INSC: variants seen among roughly 807,000 people sequenced by gnomAD.
The protein encoded by INSC is protein inscuteable homolog.
INSC carries 67 observed loss-of-function variants against 58.6 expected under a neutral mutation model. The observed-to-expected ratio is 1.14, with a 90% CI of 0.94 to 1.40. INSC has a LOEUF of 1.40. INSC is among the 40% of genes most tolerant of loss of function. The pLI is 0.00. For missense variants in INSC, 714 were observed against 692.0 expected, an observed-to-expected ratio of 1.03 and a Z score of -0.36; for synonymous variants, 262 against 276.1, an observed-to-expected ratio of 0.95 and a Z score of 0.51.
At chr11:15,245,408 G>T (rs766032259) in intron 12 of INSC, among the ~76,000 whole-genome samples, 2 of 152,182 alleles carry the variant, frequency 1.3e-5, no homozygotes, top group African/African-American at 2.4e-5. Context: ...ATTGCTCATT[G>T]TGTGGGGAGC....
At chr11:15,254,735 T>C in the INSC span, among the ~76,000 whole-genome samples, 2 of 152,358 alleles carry the variant, frequency 1.3e-5, no homozygotes, top group East Asian at 3.9e-4. Context: ...TCAGGTTGCC[T>C]GGTCCTGCTT....
At chr11:15,249,135 A>G (rs1852623498), downstream of INSC, among the ~76,000 whole-genome samples, 1 of 152,186 alleles carries the variant, frequency 6.6e-6, no homozygotes, top group South Asian at 2.1e-4. Flanking sequence ...CCCATTGGCT[A>G]GTACTCTGGT....
intron 8 of INSC, among the ~76,000 whole-genome samples, chr11:15,222,786 T>A (rs1851495236): frequency 6.6e-6 from 1 of 152,172 alleles, no homozygotes; most frequent in African/African-American, 2.4e-5. Context: ...CACTCACAGG[T>A]CAGGCTGGGA....
intron 5 of INSC, among the ~76,000 whole-genome samples, chr11:15,179,033 G>T (rs1849671748): frequency 6.6e-6 from 1 of 152,186 alleles, no homozygotes; most frequent in Non-Finnish European, 1.5e-5. Flanking sequence ...CTGCCTCTAG[G>T]CAGGCTTGTG....
chr11:15,185,522 A>AT (rs1007808797), intron 5 of INSC, among the ~76,000 whole-genome samples: 443 of 150,522 alleles, frequency 2.9e-3, no homozygotes, highest in Non-Finnish European at 3.7e-3. Context: ...CCAAGAAAAG[A>AT]TTTTTTTTTT....
intron 9 of INSC, 55 bp downstream of exon 9, chr11:15,225,883 T>C: frequency 6.5e-7 from 1 of 1,547,490 alleles, no homozygotes; most frequent in South Asian, 1.2e-5. Context: ...AGACAGAAGT[T>C]AGGAGGCCAG....
At chr11:15,243,133 C>T (rs1435138849) in intron 12 of INSC, among the ~76,000 whole-genome samples, 1 of 152,172 alleles carries the variant, frequency 6.6e-6, no homozygotes, top group Non-Finnish European at 1.5e-5. Context: ...GACTTGCTTC[C>T]TCTTTTCCTA....
rs575915932 is a variant in INSC at position 15,234,328 on chromosome 11, GAGAT to G, written c.1171-1268_1171-1265del. On this transcript the variant is annotated intron_variant, in intron 9 of 12. Coordinates refer to ENST00000379556, the MANE Select transcript of INSC (RefSeq NM_001042536.3). ...AATATGTGTTTAGAAGGAAAGGGGA[GAGAT>G]AGATATTCTATTAATATGGTAAAGT... 9.7e-4 allele frequency among the ~76,000 whole-genome samples: 148 copies of G among 152,222 alleles called. 1 individual carries two copies. The highest frequency in any genetic ancestry group is 1.8e-3 in the Non-Finnish European group (125 of 68,042).
intron 9 of INSC, among the ~76,000 whole-genome samples, chr11:15,234,176 C>T (rs1852032136): frequency 6.6e-6 from 1 of 152,202 alleles, no homozygotes; most frequent in Non-Finnish European, 1.5e-5. Context: ...GGAGTATTCT[C>T]CTGTCCTTCC....
At chr11:15,201,056 G>T in intron 7 of INSC, 107 bp downstream of exon 7, 3 of 1,365,574 alleles carry the variant, frequency 2.2e-6, no homozygotes, top group Non-Finnish European at 3.0e-6. Context: ...AGTGCCTCGA[G>T]TAGTCCTTTT....
chr11:15,203,823 T>G (rs1850690593), intron 7 of INSC, among the ~76,000 whole-genome samples: 1 of 31,302 alleles, frequency 3.2e-5, no homozygotes, highest in Non-Finnish European at 9.4e-5. Flanking sequence ...TAAGAATGAT[T>G]TTTTTTTTTC....
downstream of INSC, among the ~76,000 whole-genome samples, chr11:15,248,043 G>A (rs1354354530): frequency 6.6e-6 from 1 of 152,114 alleles, no homozygotes; most frequent in Non-Finnish European, 1.5e-5. Flanking sequence ...GTGTTCCACA[G>A]AAAAAGCAAC....
At chr11:15,175,651 G>A in intron 2 of INSC, 90 bp from the exon 3 acceptor site, 1 of 911,594 alleles carries the variant, frequency 1.1e-6, no homozygotes, top group Non-Finnish European at 1.6e-6. Context: ...CATATAATAG[G>A]TGCTTAGTAA....
intron 8 of INSC, among the ~76,000 whole-genome samples, chr11:15,224,712 G>A (rs1456891617): frequency 1.3e-5 from 2 of 152,186 alleles, no homozygotes; most frequent in African/African-American, 4.8e-5. Flanking sequence ...CTCCTGAGGT[G>A]GGCGTCCATT....
chr11:15,130,521 A>G (rs1217176758), intron 1 of INSC, among the ~76,000 whole-genome samples: 1 of 152,190 alleles, frequency 6.6e-6, no homozygotes, highest in Non-Finnish European at 1.5e-5. Context: ...CTATGTTTCT[A>G]TATGAGATTG....
chr11:15,168,606 C>T (rs1849283406), intron 2 of INSC, among the ~76,000 whole-genome samples: 1 of 152,156 alleles, frequency 6.6e-6, no homozygotes, highest in Non-Finnish European at 1.5e-5. Context: ...GTGTGCTAGG[C>T]CCTACACATT....
intron 5 of INSC, among the ~76,000 whole-genome samples, chr11:15,187,585 C>T (rs1408442393): frequency 1.3e-5 from 2 of 152,154 alleles, no homozygotes; most frequent in Admixed American, 6.5e-5. Context: ...TGCAGTTACT[C>T]GTTTTCAGAT....
At chr11:15,263,225 G>A in the INSC span, among the ~76,000 whole-genome samples, 5 of 152,070 alleles carry the variant, frequency 3.3e-5, no homozygotes, top group Non-Finnish European at 5.9e-5. Context: ...TGAACACAGC[G>A]TTAACAGGTT....
intron 5 of INSC, among the ~76,000 whole-genome samples, chr11:15,181,314 ACTT>A (rs1334714586): frequency 2.0e-5 from 3 of 152,236 alleles, no homozygotes; most frequent in African/African-American, 7.2e-5. Flanking sequence ...GCACCTATTT[ACTT>A]CTTCTGAGAT....
Sources: gnomAD v4.1 joint callset for allele counts (sites outside exome capture counted in the v4.1 genomes callset) on GRCh38, gnomAD v4.1.1 for gene constraint, MANE v1.5 for transcripts, NCBI Gene and HGNC (gene_info 2026-07-23, HGNC 2026-07-21) for gene names.